The following ZFP69B variants were observed in gnomAD, a reference collection of about 807,000 sequenced individuals.
ZFP69B encodes the protein ZFP69 zinc finger protein B.
In ZFP69B, 20 loss-of-function variants were observed where a neutral mutation model predicts 19.7. The observed-to-expected ratio is 1.02, with a 90% CI of 0.71 to 1.48. The LOEUF is 1.48. ZFP69B is among the 40% of genes most tolerant of loss of function. ZFP69B has a pLI of 0.00. For missense variants in ZFP69B, 583 were observed against 632.6 expected (o/e 0.92, Z 0.84); for synonymous variants, 220 against 222.7 (o/e 0.99, Z 0.11).
rs146682666 is a variant in ZFP69B at position 40,463,169 on chromosome 1, C to A, written c.1185C>A (p.Asp395Glu). Reference sequence around the variant, plus strand: ...GAGAGAAACCTTTTACATGCAAAGACTGTGGAAAAGCGTTTTTCCAGATTA... The same window carrying A: ...GAGAGAAACCTTTTACATGCAAAGAATGTGGAAAAGCGTTTTTCCAGATTA... ...HVREKPFTCK[D>E]CGKAFFQIRH... Residue 395 changes from aspartate (D) to glutamate (E), a missense_variant, in exon 5 of 5, where the codon GAC (aspartate) becomes GAA (glutamate). Asp to Glu is a conservative substitution (Grantham distance 45). Transcript: ENST00000361584. 1 of 1,614,108 alleles carries A rather than the reference C, an allele frequency of 6.2e-7. No individual in the cohort carries two copies. The highest frequency in any genetic ancestry group is 1.3e-5 in the African/African-American group (1 of 75,030).
chr1:40,452,585 A>ACT (rs1359343728), intron 1 of ZFP69B, among the ~76,000 whole-genome samples: 1 of 152,244 alleles, frequency 6.6e-6, no homozygotes, highest in Non-Finnish European at 1.5e-5. Context: ...AGTAAAAGAG[A>ACT]CTAGAGGTAA....
rs757738923 is a variant in ZFP69B at position 40,463,586 on chromosome 1, G to A, written c.1602G>A (p.Val534=). The change falls in exon 5 of 5, where the codon GTG becomes GTA. Residue 534 remains valine, a synonymous_variant. Transcript: ENST00000361584. ...THLRNTFSNV[V] ...TAAGAAATACCTTCAGCAATGTTGT[G>A]TGAAATATACTAAACATCAAAGAAT... is the stretch of plus-strand genomic sequence containing the variant. The A allele has an allele frequency of 6.3e-7, 1 of 1,597,310 alleles. No individual in the cohort carries two copies. Among genetic ancestry groups the A allele is most frequent in the South Asian group, 1.1e-5 (1 of 88,322 alleles).
intron 4 of ZFP69B, among the ~76,000 whole-genome samples, chr1:40,460,696 T>G (rs1645274248): frequency 6.6e-6 from 1 of 150,520 alleles, no homozygotes; most frequent in Non-Finnish European, 1.5e-5. Context: ...AATACAAAAA[T>G]TAGCAGCTGG....
intron 1 of ZFP69B, among the ~76,000 whole-genome samples, chr1:40,453,365 G>A (rs1215198293): frequency 6.6e-6 from 1 of 152,076 alleles, no homozygotes; most frequent in Non-Finnish European, 1.5e-5. Context: ...AAATGAGCAA[G>A]GTACAGTTTC....
chr1:40,455,656 G>A (rs780984909), intron 2 of ZFP69B, among the ~76,000 whole-genome samples: 5 of 152,110 alleles, frequency 3.3e-5, no homozygotes, highest in Non-Finnish European at 5.9e-5. Flanking sequence ...TGTGCAGAAT[G>A]TGCGGGTTTG....
chr1:40,460,292 A>G (rs1236270129), intron 4 of ZFP69B, among the ~76,000 whole-genome samples: 1 of 152,218 alleles, frequency 6.6e-6, no homozygotes, highest in Non-Finnish European at 1.5e-5. Flanking sequence ...CAGTAGGGAC[A>G]AGTCAAATTA....
chr1:40,458,537 GAC>G (rs1239316404), intron 4 of ZFP69B, among the ~76,000 whole-genome samples: 1 of 145,546 alleles, frequency 6.9e-6, no homozygotes, highest in Non-Finnish European at 1.5e-5. Context: ...TCTTTTTTGA[GAC>G]AGAGTCTTGC....
At position 40,450,867 on chromosome 1, in the gene ZFP69B, C is replaced by T. The variant is rs978157859; in HGVS notation, c.-95C>T. 1 of 1,356,638 alleles carries T rather than the reference C, an allele frequency of 7.4e-7. No individual in the cohort carries two copies. Among genetic ancestry groups the T allele is most frequent in the African/African-American group, 1.5e-5 (1 of 66,682 alleles). 84.0% of individuals were successfully genotyped at this position (1,356,638 alleles called of 1,614,324 possible). A position where few individuals can be genotyped will look rare whatever the true frequency, so the allele number is the denominator to read the frequency against. On this transcript the variant is annotated 5_prime_UTR_variant, in exon 1 of 5. Transcript: ENST00000361584. ...TAAGGAGATCGGTACAATTGGGAAGCCTCCTGTCAGAGCTTCCAGCAATTT... is the reference window on the plus strand; with the variant it reads ...TAAGGAGATCGGTACAATTGGGAAGTCTCCTGTCAGAGCTTCCAGCAATTT...
At chr1:40,451,526 A>G (rs1218485411) in intron 1 of ZFP69B, among the ~76,000 whole-genome samples, 1 of 152,078 alleles carries the variant, frequency 6.6e-6, no homozygotes, top group Non-Finnish European at 1.5e-5. Flanking sequence ...TATGTGTCAA[A>G]AGAGGCCAGG....
At chr1:40,453,884 A>G (rs1262634947) in intron 1 of ZFP69B, among the ~76,000 whole-genome samples, 1 of 152,194 alleles carries the variant, frequency 6.6e-6, no homozygotes, top group Non-Finnish European at 1.5e-5. Flanking sequence ...AATCATAATA[A>G]TAATTAAAAA....
chr1:40,462,404 T>TA lies in ZFP69B; in HGVS notation c.437-17_437-16insA, dbSNP rs1484955972. On this transcript the variant is annotated splice_polypyrimidine_tract_variant and intron_variant, in intron 4 of 4. Coordinates refer to ENST00000361584, the MANE Select transcript of ZFP69B (RefSeq NM_023070.3). ...AGTGCAAGGAATATGGATCTTTTTT[T>TA]TTATTATTTCTTTCAGACTTGAAGA... is the stretch of plus-strand genomic sequence containing the variant. 2 of 1,554,550 alleles carry TA rather than the reference T, an allele frequency of 1.3e-6. No individual in the cohort carries two copies. Among genetic ancestry groups the TA allele is most frequent in the African/African-American group, 1.4e-5 (1 of 72,118 alleles).
chr1:40,462,709 C>G lies in ZFP69B; in HGVS notation c.725C>G (p.Pro242Arg). Reference sequence around the variant, plus strand: ...GTGAAGTCAGAAGTTATGCCAGGACCAATAGGTCTTCCAAGAAAAAGAGAT... The same window carrying G: ...GTGAAGTCAGAAGTTATGCCAGGACGAATAGGTCTTCCAAGAAAAAGAGAT... ...INVKSEVMPG[P>R]IGLPRKRDRK... is the part of the protein sequence containing the mutation. The change falls in exon 5 of 5, where the codon CCA (proline) becomes CGA (arginine). Residue 242 changes from proline to arginine, a missense_variant. Physicochemically the swap from Pro to Arg is moderately radical, Grantham distance 103 (BLOSUM62 -2). Coordinates refer to ENST00000361584, the MANE Select transcript of ZFP69B (RefSeq NM_023070.3). 6.2e-7 allele frequency: 1 copy of G among 1,614,074 alleles called. No individual in the cohort carries two copies. The highest frequency in any genetic ancestry group is 8.5e-7 in the Non-Finnish European group (1 of 1,180,028).
At chr1:40,454,430 AC>A (rs1645214285) in intron 2 of ZFP69B, 142 bp downstream of exon 2, 3 of 546,192 alleles carry the variant, frequency 5.5e-6, no homozygotes, top group Non-Finnish European at 8.7e-6. Context: ...ACGGAGTCTC[AC>A]TCTGTCACCC....
chr1:40,456,999 C>A lies in ZFP69B; in HGVS notation c.268C>A (p.Gln90Lys). ...SVDFTQEEWG[Q>K]LAPAHRNLYR... is the part of the protein sequence containing the mutation. ...GGACTTCACTCAGGAGGAGTGGGGG[C>A]AGCTGGCCCCTGCTCACCGGAATCT... The change falls in exon 3 of 5, where the codon CAG becomes AAG. Residue 90 changes from glutamine to lysine, a missense_variant. Gln to Lys is a moderately conservative substitution (Grantham distance 53). Transcript: ENST00000361584. 1 of 1,613,988 alleles carries A rather than the reference C, an allele frequency of 6.2e-7. No individual in the cohort carries two copies. The highest frequency in any genetic ancestry group is 2.2e-5 in the East Asian group (1 of 44,876).
chr1:40,454,422 G>A (rs1047166440), intron 2 of ZFP69B, 134 bp downstream of exon 2: 8 of 581,424 alleles, frequency 1.4e-5, no homozygotes, highest in South Asian at 3.2e-5. Flanking sequence ...TTTTTGAGAC[G>A]GAGTCTCACT....
intron 2 of ZFP69B, among the ~76,000 whole-genome samples, chr1:40,456,607 C>G (rs1645235074): frequency 6.6e-6 from 1 of 152,182 alleles, no homozygotes; most frequent in African/African-American, 2.4e-5. Flanking sequence ...AAGTCCCTGT[C>G]TTCTCTTGTG....
chr1:40,456,195 AT>A (rs1645231289), intron 2 of ZFP69B, among the ~76,000 whole-genome samples: 1 of 152,148 alleles, frequency 6.6e-6, no homozygotes, highest in Non-Finnish European at 1.5e-5. Flanking sequence ...CTCTTCCACA[AT>A]GGTTGAACTA....
chr1:40,460,237 G>A (rs1645269112), intron 4 of ZFP69B, among the ~76,000 whole-genome samples: 1 of 152,146 alleles, frequency 6.6e-6, no homozygotes, highest in African/African-American at 2.4e-5. Context: ...GTACTATGGT[G>A]TAATTTTATA....
intron 4 of ZFP69B, 77 bp from the exon 5 acceptor site, chr1:40,462,344 T>G (rs1215171634): frequency 3.7e-6 from 5 of 1,346,864 alleles, no homozygotes; most frequent in Non-Finnish European, 5.1e-6. Context: ...ATATATTTTG[T>G]CCTTCCATTC....
Sources: gnomAD v4.1 joint callset for allele counts (sites outside exome capture counted in the v4.1 genomes callset) on GRCh38, gnomAD v4.1.1 for gene constraint, MANE v1.5 for transcripts, NCBI Gene and HGNC (gene_info 2026-07-23, HGNC 2026-07-21) for gene names.